The following DNAJB6 variants were observed in gnomAD, a reference collection of about 807,000 sequenced individuals.
DNAJB6 encodes dnaJ homolog subfamily B member 6.
A neutral mutation model predicts 42.7 loss-of-function variants in DNAJB6; 16 were observed. The observed-to-expected ratio is 0.37, with a 90% CI of 0.25 to 0.57. The LOEUF (loss-of-function observed/expected upper bound fraction) is 0.57. Among genes scored for constraint, DNAJB6 ranks in the 20% least tolerant of loss-of-function variants. DNAJB6 has a pLI of 0.74. For missense variants in DNAJB6, 347 were observed against 416.8 expected, an observed-to-expected ratio of 0.83 and a Z score of 1.46; for synonymous variants, 170 against 163.5, an observed-to-expected ratio of 1.04 and a Z score of -0.30.
intron 8 of DNAJB6, among the ~76,000 whole-genome samples, chr7:157,392,831 A>G (rs778858092): frequency 6.6e-6 from 1 of 152,172 alleles, no homozygotes; most frequent in African/African-American, 2.4e-5. Flanking sequence ...GTAGGTGTGC[A>G]CATTTCCTCA....
intron 1 of DNAJB6, chr7:157,337,768 T>G (rs1204687623): frequency 6.6e-6 from 1 of 152,274 alleles, no homozygotes; most frequent in Non-Finnish European, 1.5e-5. Context: ...TTGATGCAAC[T>G]GAAGTTTATA....
intron 3 of DNAJB6, among the ~76,000 whole-genome samples, chr7:157,366,272 A>G (rs1340186429): frequency 2.0e-5 from 3 of 152,228 alleles, no homozygotes; most frequent in African/African-American, 7.2e-5. Context: ...AATATTTCTA[A>G]TAACTTGTAA....
intron 5 of DNAJB6, among the ~76,000 whole-genome samples, chr7:157,375,204 G>T (rs978514276): frequency 2.0e-5 from 3 of 152,130 alleles, no homozygotes; most frequent in Non-Finnish European, 4.4e-5. Context: ...TGGAAGGTGT[G>T]ATGGTGGAGG....
intron 1 of DNAJB6, among the ~76,000 whole-genome samples, chr7:157,338,522 C>CG (rs1243211281): frequency 6.6e-6 from 1 of 151,890 alleles, no homozygotes; most frequent in Non-Finnish European, 1.5e-5. Flanking sequence ...TTAGTAGAGA[C>CG]GGGGGTTTCA....
Position 157,416,052 on chromosome 7 carries a change from A to G in DNAJB6, c.935A>G (p.Gln312Arg). The G allele has an allele frequency of 6.2e-7, 1 of 1,614,216 alleles. No individual in the cohort carries two copies. The highest frequency in any genetic ancestry group is 8.5e-7 in the Non-Finnish European group (1 of 1,180,040). ...GGTGGCAAGAGGAAGAAGCAGAAGC[A>G]GAGAGAGGAGTCGAAGAAGAAGAAG... Reference protein sequence around the residue: ...KEGGKRKKQKQREESKKKKST... With the variant: ...KEGGKRKKQKRREESKKKKST... The change falls in exon 10 of 10, where the codon CAG becomes CGG. Residue 312 changes from glutamine (Q) to arginine (R), a missense_variant. By Grantham distance (43) the Gln-to-Arg change is conservative. Coordinates refer to ENST00000262177, the MANE Select transcript of DNAJB6 (RefSeq NM_058246.4).
In DNAJB6 at chr7:157,363,210, A is replaced by G. The variant is rs1799690378; in HGVS notation, c.115A>G (p.Lys39Glu). ...KWHPDKNPEN[K>E]EEAERKFKQV... The stretch of plus-strand genomic sequence containing the variant: ...GCATCCAGATAAAAATCCTGAGAAT[A>G]AAGAAGAAGCAGAGAGAAAATTCAA... The change falls in exon 3 of 10, where the codon AAA becomes GAA. Residue 39 changes from lysine to glutamate, a missense_variant. Lys to Glu is a moderately conservative substitution (Grantham distance 56). Transcript: ENST00000262177. 2.5e-6 allele frequency: 4 copies of G among 1,611,998 alleles called. No homozygotes were observed. Among genetic ancestry groups the G allele is most frequent in the Admixed American group, 1.7e-5 (1 of 59,762 alleles).
At chr7:157,409,527 T>A (rs1795894007) in intron 8 of DNAJB6, among the ~76,000 whole-genome samples, 1 of 152,250 alleles carries the variant, frequency 6.6e-6, no homozygotes, top group African/African-American at 2.4e-5. Flanking sequence ...GCGTGTTGAC[T>A]GTGCCAAAGC....
chr7:157,401,591 A>G (rs1206053009), intron 8 of DNAJB6, among the ~76,000 whole-genome samples: 1 of 152,190 alleles, frequency 6.6e-6, no homozygotes, highest in Non-Finnish European at 1.5e-5. Context: ...TTAAAAGCGA[A>G]TGTAGATTTG....
intron 1 of DNAJB6, among the ~76,000 whole-genome samples, chr7:157,339,601 TTGTGTGTGTGTGTGTGTGTGTG>T (rs59577692): frequency 4.9e-5 from 6 of 122,434 alleles, no homozygotes; most frequent in South Asian, 2.8e-4. Flanking sequence ...GCCCGGCCTT[TTGTGTGTGTGTGTGTGTGTGTG>T]TGTGTGTGTG....
At chr7:157,337,308 C>G (rs1237802930) in intron 1 of DNAJB6, among the ~76,000 whole-genome samples, 164 bp downstream of exon 1, 2 of 149,936 alleles carry the variant, frequency 1.3e-5, no homozygotes, top group Non-Finnish European at 3.0e-5. Flanking sequence ...GGTTGCGGGG[C>G]GAAGGGTGGG....
intron 8 of DNAJB6, among the ~76,000 whole-genome samples, chr7:157,399,517 G>A (rs983823911): frequency 6.6e-6 from 1 of 152,192 alleles, no homozygotes; most frequent in Admixed American, 6.5e-5. Flanking sequence ...CTGGGATGGC[G>A]GCACAGGTTT....
At chr7:157,363,342 C>A in intron 3 of DNAJB6, 72 bp downstream of exon 3, 1 of 990,340 alleles carries the variant, frequency 1.0e-6, no homozygotes, top group Non-Finnish European at 1.6e-6. Flanking sequence ...TGGGATCCTC[C>A]TCAGGGTAGC....
intron 5 of DNAJB6, chr7:157,381,894 G>A (rs1262584557): frequency 6.2e-6 from 1 of 162,114 alleles, no homozygotes; most frequent in Non-Finnish European, 1.3e-5. Context: ...CACTTTTCCA[G>A]TGGTCGTAGC....
chr7:157,349,752 C>T (rs935529291), intron 1 of DNAJB6, among the ~76,000 whole-genome samples: 2 of 152,208 alleles, frequency 1.3e-5, no homozygotes, highest in African/African-American at 2.4e-5. Context: ...TCAAGCAATT[C>T]TCATGCCTCA....
At chr7:157,385,639 A>T (rs891731607) in intron 8 of DNAJB6, 28 bp downstream of exon 8, 2 of 1,613,274 alleles carry the variant, frequency 1.2e-6, no homozygotes, top group African/African-American at 2.7e-5. Flanking sequence ...CGCTTGGATA[A>T]CAAGTAATTC....
chr7:157,378,984 A>C (rs986868742), intron 5 of DNAJB6: 3 of 152,210 alleles, frequency 2.0e-5, no homozygotes, highest in Admixed American at 6.5e-5. Flanking sequence ...TAATATTTGA[A>C]ATTATACGAG....
At chr7:157,382,010 G>T in intron 5 of DNAJB6, 1 of 344,834 alleles carries the variant, frequency 2.9e-6, no homozygotes. Flanking sequence ...TTTTAATTAA[G>T]TCTGGTAATT....
At chr7:157,359,722 G>A (rs569816945) in intron 2 of DNAJB6, among the ~76,000 whole-genome samples, 3 of 152,328 alleles carry the variant, frequency 2.0e-5, no homozygotes, top group African/African-American at 7.2e-5. Context: ...CAGAGGCTGA[G>A]GCAGGAGAAT....
intron 1 of DNAJB6, 146 bp from the exon 2 acceptor site, chr7:157,358,401 A>G (rs1563119301): frequency 5.0e-6 from 3 of 595,998 alleles, no homozygotes; most frequent in South Asian, 2.0e-5. Context: ...CCAGCAGGCT[A>G]GTGGTTAGCT....
Sources: allele counts gnomAD v4.1 joint callset (sites outside exome capture counted in the v4.1 genomes callset), GRCh38; gene constraint gnomAD v4.1.1; transcripts MANE v1.5; gene names NCBI Gene and HGNC (gene_info 2026-07-23, HGNC 2026-07-21).